Variants in IPP observed in about 807,000 individuals in gnomAD.
IPP encodes intracisternal A particle-promoted polypeptide, also known as actin-binding protein IPP.
Under a neutral mutation model 64.1 loss-of-function variants are expected in IPP, and 41 were observed. The observed-to-expected ratio is 0.64, with a 90% CI of 0.50 to 0.83. The LOEUF (loss-of-function observed/expected upper bound fraction) is 0.83. Ranked by LOEUF, IPP falls within the 40% of genes least tolerant of loss-of-function variation. The probability of loss-of-function intolerance (pLI) is 0.00; values close to 1 mark genes in which losing one functional copy is unlikely to be tolerated. For synonymous variants in IPP, 214 were observed against 235.2 expected (o/e 0.91, Z 0.83); for missense variants, 649 against 703.0 (o/e 0.92, Z 0.87).
chr1:45,715,630 G>C (rs1157116130), intron 7 of IPP, among the ~76,000 whole-genome samples: 1 of 149,380 alleles, frequency 6.7e-6, no homozygotes, highest in Non-Finnish European at 1.5e-5. Context: ...GACAGAGCGA[G>C]ACTCCATCTC....
downstream of IPP, chr1:45,697,037 G>A (rs1269803115): frequency 6.6e-6 from 1 of 152,130 alleles, no homozygotes; most frequent in Non-Finnish European, 1.5e-5. Flanking sequence ...ACTAGAAATA[G>A]TAAAGGCACA....
chr1:45,700,437 ACT>A (rs2148545155), intron 8 of IPP, among the ~76,000 whole-genome samples: 1 of 152,028 alleles, frequency 6.6e-6, no homozygotes, highest in Non-Finnish European at 1.5e-5. Context: ...AACCTCCCAG[ACT>A]CAAGAGCTCC....
rs1336231889 is a variant in IPP, at chr1:45,746,970, T to A, written c.-50-509A>T. On this transcript the variant is annotated intron_variant, in intron 1 of 8. Transcript: ENST00000396478. ...ACTTCCTCCAGGAACCTTTCCCCAT[T>A]GCTCCTCTGGAATTGTGGAAATATG... is the stretch of plus-strand genomic sequence containing the variant. Among the ~76,000 whole-genome samples the A allele has an allele frequency of 2.6e-5, 4 of 152,208 alleles. No individual in the cohort carries two copies. In the East Asian group the frequency reaches 7.7e-4, roughly 29 times the overall value.
chr1:45,694,706 A>T (rs1411982226), downstream of IPP: 1 of 519,146 alleles, frequency 1.9e-6, no homozygotes, highest in East Asian at 3.2e-5. Context: ...TCCAGTTTTT[A>T]TTAGGATATT....
rs1314488827 is a variant in IPP, at chr1:45,729,638, C to A, written c.856G>T (p.Ala286Ser). 6 of 1,612,694 alleles carry A rather than the reference C, an allele frequency of 3.7e-6. No individual in the cohort carries two copies. The highest frequency in any genetic ancestry group is 5.1e-6 in the Non-Finnish European group (6 of 1,179,526). ...QTSKVRPRKK[A>S]RKYLYAVGGY... Reference sequence around the variant, plus strand: ...CCTACTGCATACAGGTACTTTCTTGCTTTCTTCCGAGGTCGAACCTTAGAT... The same window carrying A: ...CCTACTGCATACAGGTACTTTCTTGATTTCTTCCGAGGTCGAACCTTAGAT... The change falls in exon 4 of 9, where the codon GCA becomes TCA. Residue 286 changes from alanine to serine, a missense_variant. Ala to Ser is a moderately conservative substitution (Grantham distance 99). Transcript: ENST00000396478.
At chr1:45,746,608 A>C (rs1646138044) in intron 1 of IPP, 147 bp from the exon 2 acceptor site, 1 of 502,780 alleles carries the variant, frequency 2.0e-6, no homozygotes, top group Non-Finnish European at 3.5e-6. Flanking sequence ...ACTATTTCTA[A>C]TATGGTTTCA....
rs566021138 is a variant in IPP at position 45,732,554 on chromosome 1, T to A, written c.725-2785A>T. ...TGGAGGAAAAGCTTGAGAAAATAAT[T>A]GTGAATAGAGAGAAAAAATACTGTA... On this transcript the variant is annotated intron_variant, in intron 3 of 8. Transcript: ENST00000396478. Among the ~76,000 whole-genome samples, 5 of 151,896 alleles carry A rather than the reference T, an allele frequency of 3.3e-5. No homozygotes were observed. The South Asian group carries it at 1.0e-3, about 31-fold the overall frequency.
At chr1:45,738,273 T>C (rs968323490) in intron 3 of IPP, among the ~76,000 whole-genome samples, 4 of 152,204 alleles carry the variant, frequency 2.6e-5, no homozygotes, top group Non-Finnish European at 5.9e-5. Flanking sequence ...GCTCTTATGC[T>C]ATAAACAAGT....
Position 45,729,752 on chromosome 1 carries a change from G to A in IPP, c.742C>T (p.Leu248Phe). Reference sequence around the variant, plus strand: ...AGAAGTGTTTGCAATGCAACACGAAGATTAAAATCGGATACTCCTAAAACA... The same window carrying A: ...AGAAGTGTTTGCAATGCAACACGAAAATTAAAATCGGATACTCCTAAAACA... ...KYIEGVSDFN[L>F]RVALQTLLKE... is the part of the protein sequence containing the mutation. Residue 248 changes from leucine (L) to phenylalanine (F), a missense_variant, in exon 4 of 9, where the codon CTT becomes TTT. Coordinates refer to ENST00000396478, the MANE Select transcript of IPP (RefSeq NM_005897.3). 6.3e-7 allele frequency: 1 copy of A among 1,580,806 alleles called. No individual in the cohort carries two copies. The highest frequency in any genetic ancestry group is 8.6e-7 in the Non-Finnish European group (1 of 1,161,398).
In IPP at chr1:45,740,803, C is replaced by G. The variant is rs77142073; in HGVS notation, c.724+98G>C. 3,377 of 674,138 alleles carry G rather than the reference C, an allele frequency of 5.0e-3. 53 individuals are homozygous for G. Among genetic ancestry groups the G allele is most frequent in the East Asian group, 0.038 (1,417 of 37,106 alleles). 41.8% of individuals were successfully genotyped at this position (674,138 alleles called of 1,614,324 possible). On this transcript the variant is annotated intron_variant, in intron 3 of 8. Coordinates refer to ENST00000396478, the MANE Select transcript of IPP (RefSeq NM_005897.3). ...AAAAGAGTAATCATTCAATAAATGT[C>G]TGTTACTGAACCAAAAAATGAAAAC...
chr1:45,704,241 CTTTT>C (rs1043202416), intron 8 of IPP, among the ~76,000 whole-genome samples: 11 of 142,922 alleles, frequency 7.7e-5, no homozygotes, highest in African/African-American at 2.5e-4. Flanking sequence ...GAAGCAAAGT[CTTTT>C]TTTTTTTTTT....
chr1:45,731,291 A>G (rs1645901288), intron 3 of IPP, among the ~76,000 whole-genome samples: 1 of 152,076 alleles, frequency 6.6e-6, no homozygotes, highest in African/African-American at 2.4e-5. Flanking sequence ...AAATTTTAAA[A>G]TGAGCTGGGC....
At chr1:45,719,402 AAC>A in intron 5 of IPP, 62 bp from the exon 6 acceptor site, 1 of 1,097,748 alleles carries the variant, frequency 9.1e-7, no homozygotes, top group Non-Finnish European at 1.3e-6. Context: ...CTAGCACCAT[AAC>A]ACAATATTCA....
rs565980596 is a variant in IPP at position 45,724,113 on chromosome 1, C to G, written c.1048+3518G>C. ...TCTCCTGCCTCAGCCTGCCGAGCGC[C>G]TGCAATTGCAGGCGCGCGCCGCCAC... On this transcript the variant is annotated intron_variant, in intron 5 of 8. Coordinates refer to ENST00000396478, the MANE Select transcript of IPP (RefSeq NM_005897.3). Among the ~76,000 whole-genome samples, 85 of 151,704 alleles carry G rather than the reference C, an allele frequency of 5.6e-4. No individual in the cohort carries two copies. In the East Asian group the frequency reaches 0.013, roughly 24 times the overall value.
At chr1:45,708,144 A>G (rs1645538868) in intron 8 of IPP, among the ~76,000 whole-genome samples, 1 of 151,064 alleles carries the variant, frequency 6.6e-6, no homozygotes, top group Non-Finnish European at 1.5e-5. Context: ...AGCTCACTGC[A>G]AGCTCCACCT....
chr1:45,714,615 C>T, intron 7 of IPP, 149 bp from the exon 8 acceptor site: 1 of 617,100 alleles, frequency 1.6e-6, no homozygotes, highest in East Asian at 2.8e-5. Flanking sequence ...TCAACTTTGT[C>T]AACTTTATCA....
At chr1:45,742,712 T>C (rs1453361362) in intron 2 of IPP, among the ~76,000 whole-genome samples, 2 of 150,566 alleles carry the variant, frequency 1.3e-5, no homozygotes, top group Admixed American at 6.6e-5. Flanking sequence ...TTTCTGTGGT[T>C]TTTTTTTTAG....
At position 45,741,183 on chromosome 1, in the gene IPP, G is replaced by A; in HGVS notation, c.442C>T (p.Gln148Ter). Residue 148 changes from glutamine to a stop codon, truncating the protein, a stop_gained, in exon 3 of 9, where the codon CAA becomes TAA. Coordinates refer to ENST00000396478, the MANE Select transcript of IPP (RefSeq NM_005897.3). LOFTEE classifies it high-confidence loss of function. ...TCCAAGAGATCATGGCAGGCAATTT[G>A]CTCAGAGAACTGAAAAATTCCAATG... Reference protein sequence around the residue: ...NCIGIFQFSEQIACHDLLEFS... With the variant: ...NCIGIFQFSE 1 of 1,614,128 alleles carries A rather than the reference G, an allele frequency of 6.2e-7. No individual in the cohort carries two copies.
At position 45,729,653 on chromosome 1, in the gene IPP, G is replaced by A. The variant is rs1453477107; in HGVS notation, c.841C>T (p.Arg281Ter). Reference protein sequence around the residue: ...FCSFLQTSKVRPRKKARKYLY... With the variant: ...FCSFLQTSKV ...TACTTTCTTGCTTTCTTCCGAGGTC[G>A]AACCTTAGATGTCTGCAGAAAACTA... Residue 281 changes from arginine to a stop codon, truncating the protein, a stop_gained, in exon 4 of 9, where the codon CGA (arginine) becomes TGA (stop). Coordinates refer to ENST00000396478, the MANE Select transcript of IPP (RefSeq NM_005897.3). LOFTEE classifies it high-confidence loss of function. 6 of 1,612,882 alleles carry A rather than the reference G, an allele frequency of 3.7e-6. No homozygotes were observed. Among genetic ancestry groups the A allele is most frequent in the Non-Finnish European group, 5.1e-6 (6 of 1,179,460 alleles).
Sources: allele counts gnomAD v4.1 joint callset (sites outside exome capture counted in the v4.1 genomes callset), GRCh38; gene constraint gnomAD v4.1.1; transcripts MANE v1.5; gene names NCBI Gene and HGNC (gene_info 2026-07-23, HGNC 2026-07-21).